Variants in KLF12 observed in about 807,000 individuals in gnomAD.
The protein encoded by KLF12 is KLF transcription factor 12, also known as Krueppel-like factor 12.
KLF12 carries 9 observed loss-of-function variants against 37.8 expected under a neutral mutation model. That is an observed-to-expected ratio of 0.24 (90% CI 0.14 to 0.42). The LOEUF (loss-of-function observed/expected upper bound fraction) is 0.42. KLF12 is among the 10% of genes least tolerant of loss of function. KLF12 has a pLI of 1.00. For synonymous variants in KLF12, 208 were observed against 202.1 expected (o/e 1.03, Z -0.25); for missense variants, 411 against 516.0 (o/e 0.80, Z 1.97).
chr13:74,241,551 C>G, the KLF12 span, among the ~76,000 whole-genome samples: 2 of 151,986 alleles, frequency 1.3e-5, no homozygotes, highest in South Asian at 2.1e-4. Flanking sequence ...GCCTCGCTGC[C>G]GCTGCTGCCT....
At chr13:74,176,766 G>A in the KLF12 span, among the ~76,000 whole-genome samples, 31 of 151,952 alleles carry the variant, frequency 2.0e-4, no homozygotes, top group East Asian at 2.9e-3. Context: ...TATTTATACC[G>A]TCAACTTTCT....
chr13:74,247,525 G>T, the KLF12 span, among the ~76,000 whole-genome samples: 3 of 152,144 alleles, frequency 2.0e-5, no homozygotes, highest in Non-Finnish European at 2.9e-5. Flanking sequence ...TCTTATCTCC[G>T]ACAGGATACC....
In KLF12 at chr13:73,810,053, T is replaced by C. The variant is rs556652583; in HGVS notation, c.806+3099A>G. On this transcript the variant is annotated intron_variant, in intron 5 of 7. Transcript: ENST00000377669. ...TTAAGGTGAGGAGTTCGAGACCAAC[T>C]GGCCAACATGGTGAAACTCTGTCTC... 2.6e-5 allele frequency among the ~76,000 whole-genome samples: 4 copies of C among 152,212 alleles called. No homozygotes were observed. In the South Asian group the frequency reaches 8.3e-4, roughly 32 times the overall value.
At chr13:73,803,245 A>G (rs1882377918) in intron 5 of KLF12, among the ~76,000 whole-genome samples, 1 of 152,194 alleles carries the variant, frequency 6.6e-6, no homozygotes, top group South Asian at 2.1e-4. Flanking sequence ...TTCTTCTGTA[A>G]GTTTTAAGGA....
chr13:73,703,427 C>T (rs1257049889), intron 7 of KLF12, among the ~76,000 whole-genome samples: 1 of 151,996 alleles, frequency 6.6e-6, no homozygotes, highest in Non-Finnish European at 1.5e-5. Context: ...CCAATCTATT[C>T]CATAATGTCC....
chr13:74,257,643 C>T, the KLF12 span: 1 of 152,150 alleles, frequency 6.6e-6, no homozygotes, highest in African/African-American at 2.4e-5. Context: ...TAAGTTTTGT[C>T]ACCTGGGGGA....
chr13:74,097,054 A>T (rs931048492), intron 1 of KLF12, among the ~76,000 whole-genome samples: 13 of 152,198 alleles, frequency 8.5e-5, no homozygotes, highest in African/African-American at 3.1e-4. Flanking sequence ...CCAAGTCTTA[A>T]TAAGGAGAAA....
chr13:73,951,628 G>C (rs1007466754), intron 2 of KLF12, among the ~76,000 whole-genome samples: 7 of 152,168 alleles, frequency 4.6e-5, no homozygotes, highest in African/African-American at 1.7e-4. Flanking sequence ...CAAGGCAAAG[G>C]CAAACTGATC....
At chr13:73,809,177 C>A (rs546088919) in intron 5 of KLF12, among the ~76,000 whole-genome samples, 8 of 152,280 alleles carry the variant, frequency 5.3e-5, no homozygotes, top group African/African-American at 1.4e-4. Flanking sequence ...AAAAGTTCTT[C>A]AAGTACAGGA....
At chr13:74,274,173 A>G in the KLF12 span, among the ~76,000 whole-genome samples, 2 of 152,146 alleles carry the variant, frequency 1.3e-5, no homozygotes, top group African/African-American at 4.8e-5. Flanking sequence ...TACTTTTCTT[A>G]TATTTAACCT....
At chr13:73,848,533 AAAT>A (rs962108859) in intron 3 of KLF12, among the ~76,000 whole-genome samples, 2 of 148,758 alleles carry the variant, frequency 1.3e-5, no homozygotes, top group African/African-American at 4.9e-5. Context: ...TATACCTCAT[AAAT>A]AATATTAGCT....
the KLF12 span, among the ~76,000 whole-genome samples, chr13:74,204,432 C>A: frequency 6.6e-6 from 1 of 152,054 alleles, no homozygotes; most frequent in Non-Finnish European, 1.5e-5. Flanking sequence ...AATTATTAAT[C>A]CCAAAAACCT....
chr13:73,965,606 C>T (rs551737107), intron 2 of KLF12, among the ~76,000 whole-genome samples: 10 of 152,282 alleles, frequency 6.6e-5, no homozygotes, highest in South Asian at 4.1e-4. Context: ...GCAGTGATAA[C>T]GTGGAGGCTG....
chr13:73,983,480 A>G (rs1003827059), intron 2 of KLF12, among the ~76,000 whole-genome samples: 5 of 152,176 alleles, frequency 3.3e-5, no homozygotes, highest in African/African-American at 1.2e-4. Flanking sequence ...GTGTCCTCCC[A>G]GTTACTGCCT....
chr13:74,156,202 G>A, the KLF12 span, among the ~76,000 whole-genome samples: 2 of 152,260 alleles, frequency 1.3e-5, no homozygotes, highest in African/African-American at 4.8e-5. Context: ...TTTATACTGC[G>A]ATCTCTCTTC....
At chr13:73,878,178 C>G (rs1886807827) in intron 3 of KLF12, among the ~76,000 whole-genome samples, 2 of 152,128 alleles carry the variant, frequency 1.3e-5, no homozygotes, top group Admixed American at 6.5e-5. Flanking sequence ...GACTTTATAC[C>G]TGGTTTTGGA....
chr13:74,012,206 C>G (rs1892568300), intron 1 of KLF12, among the ~76,000 whole-genome samples: 1 of 152,166 alleles, frequency 6.6e-6, no homozygotes, highest in African/African-American at 2.4e-5. Context: ...TAATTTTTAT[C>G]TCACCAGATT....
rs1250047573 is a variant in KLF12, at chr13:73,694,309, T to C, written c.*1181A>G. 1 of 152,644 alleles carries C rather than the reference T, an allele frequency of 6.6e-6. No individual in the cohort carries two copies. The highest frequency in any genetic ancestry group is 1.5e-5 in the Non-Finnish European group (1 of 68,044). 9.5% of individuals were successfully genotyped at this position (152,644 alleles called of 1,614,324 possible). ...AAGAAAAGGGGAGCATAATCTTTAA[T>C]TGTGGTACTCAACCAAGCAGGACAA... On this transcript the variant is annotated 3_prime_UTR_variant, in exon 8 of 8. Coordinates refer to ENST00000377669, the MANE Select transcript of KLF12 (RefSeq NM_007249.5).
At chr13:74,244,677 C>T in the KLF12 span, among the ~76,000 whole-genome samples, 1 of 152,166 alleles carries the variant, frequency 6.6e-6, no homozygotes, top group East Asian at 1.9e-4. Flanking sequence ...TGGGCCATCA[C>T]AAATGAAAAA....
Sources: allele counts gnomAD v4.1 joint callset (sites outside exome capture counted in the v4.1 genomes callset), GRCh38; gene constraint gnomAD v4.1.1; transcripts MANE v1.5; gene names NCBI Gene and HGNC (gene_info 2026-07-23, HGNC 2026-07-21).